HEATR3: variants seen among roughly 807,000 people sequenced by gnomAD.
The protein encoded by HEATR3 is HEAT repeat containing 3.
A neutral mutation model predicts 72.8 loss-of-function variants in HEATR3; 56 were observed. That is an observed-to-expected ratio of 0.77 (90% CI 0.62 to 0.96). The LOEUF is 0.96. Among genes scored for constraint, HEATR3 ranks in the 40% least tolerant of loss-of-function variants. The pLI is 0.00. For missense variants in HEATR3, 747 were observed against 831.4 expected (o/e 0.90, Z 1.25); for synonymous variants, 331 against 318.1 (o/e 1.04, Z -0.43).
rs1230510761 is a variant in HEATR3, at chr16:50,084,221, A to G, written c.1220A>G (p.Gln407Arg). Reference sequence around the variant, plus strand: ...AATTCCTTCAGTGAGTGCGGGGGACAGCTGTTTTCTCCCCTCTGCCTCTCC... The same window carrying G: ...AATTCCTTCAGTGAGTGCGGGGGACGGCTGTTTTCTCCCCTCTGCCTCTCC... ...MENSFSECGG[Q>R]LFSPLCLSHE... The change falls in exon 9 of 15, where the codon CAG (glutamine) becomes CGG (arginine). Residue 407 changes from glutamine (Q) to arginine (R), a missense_variant. Coordinates refer to ENST00000299192, the MANE Select transcript of HEATR3 (RefSeq NM_182922.4). 3 of 1,614,058 alleles carry G rather than the reference A, an allele frequency of 1.9e-6. No homozygotes were observed. The highest frequency in any genetic ancestry group is 1.3e-5 in the African/African-American group (1 of 74,920).
At chr16:50,079,564 G>C (rs55703660) in intron 7 of HEATR3, among the ~76,000 whole-genome samples, 1 of 152,124 alleles carries the variant, frequency 6.6e-6, no homozygotes, top group Non-Finnish European at 1.5e-5. Context: ...TGATATTGCA[G>C]TAAAGGGGAA....
intron 7 of HEATR3, among the ~76,000 whole-genome samples, chr16:50,081,048 G>T (rs1009987784): frequency 6.6e-6 from 1 of 152,336 alleles, no homozygotes; most frequent in Admixed American, 6.5e-5. Context: ...GTTGAAAAAC[G>T]ATTGATATTT....
At chr16:50,087,007 TG>T (rs1421869647) in intron 11 of HEATR3, among the ~76,000 whole-genome samples, 3 of 152,210 alleles carry the variant, frequency 2.0e-5, no homozygotes, top group Non-Finnish European at 1.5e-5. Context: ...GATTAATATA[TG>T]TATGTAGTAC....
rs139314579 is a variant in HEATR3 at position 50,086,648 on chromosome 16, A to G, written c.1510+297A>G. Among the ~76,000 whole-genome samples, 555 of 152,278 alleles carry G rather than the reference A, an allele frequency of 3.6e-3. 4 individuals carry two copies. The highest frequency in any genetic ancestry group is 0.013 in the African/African-American group (533 of 41,562). On this transcript the variant is annotated intron_variant, in intron 11 of 14. Coordinates refer to ENST00000299192, the MANE Select transcript of HEATR3 (RefSeq NM_182922.4). ...TCATTAAGGTATTTGGATAATTCTC[A>G]GCCAAGCACGGTGGCTCATGCCTGT...
At chr16:50,077,508 G>T (rs1251869306) in intron 6 of HEATR3, among the ~76,000 whole-genome samples, 2 of 152,132 alleles carry the variant, frequency 1.3e-5, no homozygotes, top group Non-Finnish European at 2.9e-5. Context: ...TCAGATTGTT[G>T]TGCAGTAAAA....
chr16:50,085,726 C>T (rs1051146736), intron 10 of HEATR3, among the ~76,000 whole-genome samples: 2 of 152,020 alleles, frequency 1.3e-5, no homozygotes, highest in African/African-American at 4.8e-5. Context: ...TATCAGAGGC[C>T]GTGAATATTC....
At chr16:50,090,339 G>T (rs561638401) in intron 11 of HEATR3, among the ~76,000 whole-genome samples, 110 of 152,214 alleles carry the variant, frequency 7.2e-4, no homozygotes, top group Admixed American at 8.5e-4. Context: ...GGGCAACAGA[G>T]TGAGACTCTT....
intron 11 of HEATR3, among the ~76,000 whole-genome samples, chr16:50,087,383 A>C (rs1286869368): frequency 6.6e-6 from 1 of 152,202 alleles, no homozygotes; most frequent in African/African-American, 2.4e-5. Flanking sequence ...TAAATGACCT[A>C]GCTGTAGGTT....
chr16:50,067,047 G>C (rs2036513438), intron 2 of HEATR3, among the ~76,000 whole-genome samples: 1 of 152,116 alleles, frequency 6.6e-6, no homozygotes, highest in South Asian at 2.1e-4. Flanking sequence ...AGTTGGGGGT[G>C]GGAAGTTTGA....
chr16:50,084,341 G>C, intron 9 of HEATR3, 50 bp downstream of exon 9: 1 of 1,571,722 alleles, frequency 6.4e-7, no homozygotes, highest in Non-Finnish European at 8.6e-7. Context: ...AAAGGCTTAA[G>C]CAAGGTATTC....
At chr16:50,078,593 A>G (rs1389637609) in intron 6 of HEATR3, 148 bp from the exon 7 acceptor site, 6 of 738,968 alleles carry the variant, frequency 8.1e-6, no homozygotes, top group South Asian at 7.8e-5. Context: ...TGCAGAACTC[A>G]TTGATATTTA....
intron 11 of HEATR3, 101 bp downstream of exon 11, chr16:50,086,452 C>A: frequency 7.9e-7 from 1 of 1,267,830 alleles, no homozygotes; most frequent in Non-Finnish European, 1.1e-6. Flanking sequence ...ATCCAATGTG[C>A]AGAAACCTTT....
intron 11 of HEATR3, among the ~76,000 whole-genome samples, chr16:50,088,828 A>C (rs534534549): frequency 6.6e-6 from 1 of 152,064 alleles, no homozygotes; most frequent in African/African-American, 2.4e-5. Flanking sequence ...CAAGTCTCTC[A>C]CTGCTTCCAA....
chr16:50,096,934 TC>T (rs1224114319), intron 12 of HEATR3, among the ~76,000 whole-genome samples: 7 of 152,222 alleles, frequency 4.6e-5, no homozygotes, highest in Admixed American at 3.3e-4. Flanking sequence ...CTCATTTTGT[TC>T]CGTAGCATTT....
At chr16:50,075,458 A>G (rs2036703792) in intron 5 of HEATR3, 113 bp from the exon 6 acceptor site, 1 of 974,932 alleles carries the variant, frequency 1.0e-6, no homozygotes, top group East Asian at 2.5e-5. Context: ...TGCAAAACCT[A>G]CATGTGTCTA....
At chr16:50,100,172 T>G in intron 12 of HEATR3, 58 bp from the exon 13 acceptor site, 1 of 1,540,628 alleles carries the variant, frequency 6.5e-7, no homozygotes, top group South Asian at 1.2e-5. Flanking sequence ...GGTTTTCACA[T>G]GCTGATAGAA....
intron 11 of HEATR3, among the ~76,000 whole-genome samples, chr16:50,089,039 T>C (rs923475117): frequency 1.3e-5 from 2 of 152,214 alleles, no homozygotes; most frequent in Non-Finnish European, 2.9e-5. Flanking sequence ...TTTCTCTTGG[T>C]TCTGCTGGTT....
rs938438295 is a variant in HEATR3 at position 50,107,223 on chromosome 16, A to T, written c.*2162A>T. Among the ~76,000 whole-genome samples, 1 of 151,622 alleles carries T rather than the reference A, an allele frequency of 6.6e-6. No individual in the cohort carries two copies. The highest frequency in any genetic ancestry group is 6.6e-5 in the Admixed American group (1 of 15,214). On this transcript the variant is annotated 3_prime_UTR_variant, in exon 15 of 15. Coordinates refer to ENST00000299192, the MANE Select transcript of HEATR3 (RefSeq NM_182922.4). ...TAGCACAGGACCTAGTATATAGTCGACTCTTCATAAATATTTGTTGAGTAA... is the reference window on the plus strand; with the variant it reads ...TAGCACAGGACCTAGTATATAGTCGTCTCTTCATAAATATTTGTTGAGTAA...
At chr16:50,072,755 C>A in intron 5 of HEATR3, 41 bp downstream of exon 5, 2 of 1,269,076 alleles carry the variant, frequency 1.6e-6, no homozygotes, top group Non-Finnish European at 2.3e-6. Flanking sequence ...GAATGTGTAG[C>A]CTTATTCAAA....
Sources: gnomAD v4.1 joint callset for allele counts (sites outside exome capture counted in the v4.1 genomes callset) on GRCh38, gnomAD v4.1.1 for gene constraint, MANE v1.5 for transcripts, NCBI Gene and HGNC (gene_info 2026-07-23, HGNC 2026-07-21) for gene names.